CALCOCO1: variants seen among roughly 807,000 people sequenced by gnomAD.
CALCOCO1 encodes calcium-binding and coiled-coil domain-containing protein 1.
CALCOCO1 carries 44 observed loss-of-function variants against 86.3 expected under a neutral mutation model. The observed-to-expected ratio is 0.51, with a 90% CI of 0.40 to 0.66. The LOEUF (loss-of-function observed/expected upper bound fraction) is 0.66. CALCOCO1 is among the 30% of genes least tolerant of loss of function. CALCOCO1 has a pLI of 0.00. For missense variants in CALCOCO1, 708 were observed against 851.1 expected, an observed-to-expected ratio of 0.83 and a Z score of 2.09; for synonymous variants, 297 against 327.6, an observed-to-expected ratio of 0.91 and a Z score of 1.01.
intron 3 of CALCOCO1, 77 bp downstream of exon 3, chr12:53,724,568 G>A (rs1331751604): frequency 1.9e-6 from 2 of 1,054,552 alleles, no homozygotes; most frequent in Non-Finnish European, 2.9e-6. Context: ...AACTTTTAAT[G>A]TTTCTGAGCC....
rs934710114 is a variant in CALCOCO1 at position 53,709,030 on chromosome 12, T to C, written c.*2914A>G. Reference sequence around the variant, plus strand: ...TGTAGGTAACAGGTGGCCATTGAGGTTCGATAAGTGGGGGAGTGGTGTGTT... The same window carrying C: ...TGTAGGTAACAGGTGGCCATTGAGGCTCGATAAGTGGGGGAGTGGTGTGTT... On this transcript the variant is annotated 3_prime_UTR_variant, in exon 15 of 15. Transcript: ENST00000550804. The C allele has an allele frequency of 6.6e-6, 1 of 152,128 alleles. No homozygotes were observed. The highest frequency in any genetic ancestry group is 2.4e-5 in the African/African-American group (1 of 41,404). The allele number at this position is 152,128 out of a possible 1,614,324, so 9.4% of individuals were successfully genotyped here.
Position 53,715,793 on chromosome 12 carries a change from C to T in CALCOCO1, c.1260G>A (p.Glu420=), listed in dbSNP as rs1341564127. The change falls in exon 9 of 15, where the codon GAG becomes GAA. Residue 420 remains glutamate (E), a splice_region_variant and synonymous_variant. Coordinates refer to ENST00000550804, the MANE Select transcript of CALCOCO1 (RefSeq NM_020898.3). ...KERAGLLQSV[E]AEKDKILKLS... is the part of the protein sequence containing the mutation. Reference sequence around the variant, plus strand: ...TGCCAGGTACCCCCCATCCCTCTACCTCCACACTCTGCAGCAGCCCTGCCC... The same window carrying T: ...TGCCAGGTACCCCCCATCCCTCTACTTCCACACTCTGCAGCAGCCCTGCCC... 6.2e-7 allele frequency: 1 copy of T among 1,612,578 alleles called. No homozygotes were observed.
Position 53,722,129 on chromosome 12 carries a change from G to A in CALCOCO1, c.505C>T (p.Gln169Ter). The A allele has an allele frequency of 6.2e-7, 1 of 1,613,876 alleles. No individual in the cohort carries two copies. Residue 169 changes from glutamine to a stop codon, truncating the protein, a stop_gained, in exon 5 of 15, where the codon CAG becomes TAG. Coordinates refer to ENST00000550804, the MANE Select transcript of CALCOCO1 (RefSeq NM_020898.3). LOFTEE classifies it high-confidence loss of function. ...AGCTCTGTCACCTGTCCCTCCAGCT[G>A]TAGCTTCAGCTGCATCAGGTCATTC... The part of the protein sequence containing the change: ...ERNDLMQLKL[Q>*]LEGQVTELRS...
In CALCOCO1 at chr12:53,711,276, A is replaced by G. The variant is rs1945543090; in HGVS notation, c.*668T>C. The G allele has an allele frequency of 2.5e-6, 1 of 398,654 alleles. No homozygotes were observed. Among genetic ancestry groups the G allele is most frequent in the African/African-American group, 2.1e-5 (1 of 48,558 alleles). 24.7% of individuals were successfully genotyped at this position (398,654 alleles called of 1,614,324 possible). A position where few individuals can be genotyped will look rare whatever the true frequency, so the allele number is the denominator to read the frequency against. On this transcript the variant is annotated 3_prime_UTR_variant, in exon 15 of 15. Transcript: ENST00000550804. ...CATTCCTCACAGAAGGCACAAATAC[A>G]TTATTTCTTTCCATGTGAGGAGATG...
At position 53,722,093 on chromosome 12, in the gene CALCOCO1, C is replaced by T. The variant is rs756966881; in HGVS notation, c.541G>A (p.Val181Met). The T allele has an allele frequency of 3.1e-6, 5 of 1,613,964 alleles. No individual in the cohort carries two copies. Among genetic ancestry groups the T allele is most frequent in the Non-Finnish European group, 3.4e-6 (4 of 1,180,048 alleles). The change falls in exon 5 of 15, where the codon GTG becomes ATG. Residue 181 changes from valine to methionine, a missense_variant. Val to Met is a conservative substitution (Grantham distance 21). Transcript: ENST00000550804. ...GCCAGAGCCCTCTCGAGCTCCTGCA[C>T]TCGGCTCCTCAGCTCTGTCACCTGT... is the stretch of plus-strand genomic sequence containing the variant. Reference protein sequence around the residue: ...EGQVTELRSRVQELERALATA... With the variant: ...EGQVTELRSRMQELERALATA...
Position 53,712,164 on chromosome 12 carries a change from G to A in CALCOCO1, c.1899-43C>T, listed in dbSNP as rs760339276. ...GAAAGGGAGAGGGTCGGCGTGCTCT[G>A]TTCCCTTCTTGACTTGCAGACTTCG... is the stretch of plus-strand genomic sequence containing the variant. On this transcript the variant is annotated intron_variant, in intron 14 of 14. Transcript: ENST00000550804. 7 of 1,525,878 alleles carry A rather than the reference G, an allele frequency of 4.6e-6. No individual in the cohort carries two copies. In the South Asian group the frequency reaches 8.5e-5, roughly 19 times the overall value. 94.5% of individuals were successfully genotyped at this position (1,525,878 alleles called of 1,614,324 possible).
chr12:53,721,191 T>C (rs1475037269), intron 6 of CALCOCO1, among the ~76,000 whole-genome samples: 2 of 152,250 alleles, frequency 1.3e-5, no homozygotes, highest in Non-Finnish European at 2.9e-5. Flanking sequence ...CATTCTCTTC[T>C]TCCAAATCCT....
Position 53,709,697 on chromosome 12 carries a change from TG to T in CALCOCO1, c.*2246del, listed in dbSNP as rs1945514894. On this transcript the variant is annotated 3_prime_UTR_variant, in exon 15 of 15. Transcript: ENST00000550804. ...TAAGTGCTTTTAGTCTGACAGTGTCTGTATCAGTGGCCTTGTGCAGCTAGCC... is the reference window on the plus strand; with the variant it reads ...TAAGTGCTTTTAGTCTGACAGTGTCTTATCAGTGGCCTTGTGCAGCTAGCC... The T allele has an allele frequency of 6.6e-6, 1 of 152,496 alleles. No homozygotes were observed. The allele number at this position is 152,496 out of a possible 1,614,324, so 9.4% of individuals were successfully genotyped here. A position where few individuals can be genotyped will look rare whatever the true frequency, so the allele number is the denominator to read the frequency against.
intron 1 of CALCOCO1, chr12:53,726,256 A>C (rs1481202209): frequency 6.6e-6 from 1 of 152,238 alleles, no homozygotes; most frequent in East Asian, 1.9e-4. Context: ...GTTTCACTTT[A>C]GTATTTCTCT....
intron 6 of CALCOCO1, among the ~76,000 whole-genome samples, chr12:53,721,216 T>C (rs1261395638): frequency 6.6e-6 from 1 of 152,276 alleles, no homozygotes; most frequent in African/African-American, 2.4e-5. Flanking sequence ...TCCTAGCTCT[T>C]GCTCAGCTTT....
At position 53,725,175 on chromosome 12, in the gene CALCOCO1, G is replaced by A. The variant is rs372612176; in HGVS notation, c.68C>T (p.Thr23Ile). The A allele has an allele frequency of 3.7e-6, 6 of 1,613,076 alleles. No individual in the cohort carries two copies. Among genetic ancestry groups the A allele is most frequent in the Non-Finnish European group, 5.1e-6 (6 of 1,179,554 alleles). The change falls in exon 2 of 15, where the codon ACC becomes ATC. Residue 23 changes from threonine to isoleucine, a missense_variant. Coordinates refer to ENST00000550804, the MANE Select transcript of CALCOCO1 (RefSeq NM_020898.3). ...GGVNFLNVARTYIPNTKVECH... is the reference protein window; with the variant it reads ...GGVNFLNVARIYIPNTKVECH... ...TTCCACCTTGGTGTTGGGGATGTAGGTCCGGGCTACATTGAGAAAGTTGAC... is the reference window on the plus strand; with the variant it reads ...TTCCACCTTGGTGTTGGGGATGTAGATCCGGGCTACATTGAGAAAGTTGAC...
intron 10 of CALCOCO1, among the ~76,000 whole-genome samples, chr12:53,714,975 A>C (rs1339204235): frequency 2.6e-5 from 4 of 152,056 alleles, no homozygotes; most frequent in Non-Finnish European, 4.4e-5. Context: ...CCAAGGGGCC[A>C]CTCTATAATT....
intron 3 of CALCOCO1, 65 bp from the exon 4 acceptor site, chr12:53,723,848 C>T (rs1009359219): frequency 4.3e-5 from 61 of 1,430,892 alleles, no homozygotes; most frequent in Non-Finnish European, 5.1e-5. Flanking sequence ...GCCCCTTGCT[C>T]GGTGTTCCAT....
chr12:53,721,581 T>C lies in CALCOCO1; in HGVS notation c.644A>G (p.Glu215Gly). 6 of 1,614,042 alleles carry C rather than the reference T, an allele frequency of 3.7e-6. No homozygotes were observed. The highest frequency in any genetic ancestry group is 5.1e-6 in the Non-Finnish European group (6 of 1,179,976). ...CTGTTGCCGGCTCAGGATGTCCCTC[T>C]CTTCTGTGATCTCCCCATGGGACCG... ...ISRSHGEITEERDILSRQQGD... is the reference protein window; with the variant it reads ...ISRSHGEITEGRDILSRQQGD... Residue 215 changes from glutamate (E) to glycine (G), a missense_variant, in exon 6 of 15, where the codon GAG (glutamate) becomes GGG (glycine). Glu to Gly is a moderately conservative substitution (Grantham distance 98). Transcript: ENST00000550804.
intron 11 of CALCOCO1, 25 bp from the exon 12 acceptor site, chr12:53,714,266 G>GTTTTTT (rs756952640): frequency 6.3e-7 from 1 of 1,576,734 alleles, no homozygotes; most frequent in Non-Finnish European, 8.7e-7. Context: ...GAAAAAGGCA[G>GTTTTTT]GTGCTAGAGA....
chr12:53,716,482 T>C lies in CALCOCO1; in HGVS notation c.850-67A>G. ...TTGGGGTGGCTCGGGAGGTGAACCA[T>C]TGTGATGAGAGAGGTCAAGGTTCCA... On this transcript the variant is annotated intron_variant, in intron 7 of 14. Coordinates refer to ENST00000550804, the MANE Select transcript of CALCOCO1 (RefSeq NM_020898.3). The C allele has an allele frequency of 3.2e-6, 5 of 1,540,482 alleles. No homozygotes were observed. In the South Asian group the frequency reaches 4.6e-5, roughly 14 times the overall value.
chr12:53,715,446 C>T (rs907554141), intron 9 of CALCOCO1, 121 bp from the exon 10 acceptor site: 42 of 1,348,132 alleles, frequency 3.1e-5, no homozygotes, highest in Middle Eastern at 1.9e-4. Flanking sequence ...TTTTAGAGCA[C>T]TTTCCCCTTT....
chr12:53,717,886 G>A (rs4759051), intron 7 of CALCOCO1, among the ~76,000 whole-genome samples: 6,299 of 152,150 alleles, frequency 0.041, 344 homozygotes, highest in East Asian at 0.25. Flanking sequence ...TTAGCTGGGC[G>A]TGGTGGCGGG....
chr12:53,716,999 G>C (rs1225929665), intron 7 of CALCOCO1, among the ~76,000 whole-genome samples: 1 of 152,182 alleles, frequency 6.6e-6, no homozygotes, highest in Non-Finnish European at 1.5e-5. Flanking sequence ...TTCATAAATA[G>C]TTCATTCTCC....
Sources: gnomAD v4.1 joint callset for allele counts (sites outside exome capture counted in the v4.1 genomes callset) on GRCh38, gnomAD v4.1.1 for gene constraint, MANE v1.5 for transcripts, NCBI Gene and HGNC (gene_info 2026-07-23, HGNC 2026-07-21) for gene names.